Variants in CYP2E1 observed in about 807,000 individuals in gnomAD.
The protein encoded by CYP2E1 is cytochrome P450 2E1.
Under a neutral mutation model 42.9 loss-of-function variants are expected in CYP2E1, and 31 were observed. That is an observed-to-expected ratio of 0.72 (90% CI 0.54 to 0.98). CYP2E1 has a LOEUF of 0.98. Ranked by LOEUF, CYP2E1 falls within the 50% of genes least tolerant of loss-of-function variation. The pLI is 0.00. For missense variants in CYP2E1, 565 were observed against 633.2 expected (o/e 0.89, Z 1.16); for synonymous variants, 244 against 248.9 (o/e 0.98, Z 0.19).
rs1851413819 is a variant in CYP2E1, at chr10:133,537,000, T to C, written c.968-63T>C. ...CGTGATTGAATAGATGGGTGGATGATGGGTGGATGCCCAACTGGCCAGGAA... is the reference window on the plus strand; with the variant it reads ...CGTGATTGAATAGATGGGTGGATGACGGGTGGATGCCCAACTGGCCAGGAA... On this transcript the variant is annotated intron_variant, in intron 6 of 8. Transcript: ENST00000252945. 4 of 1,486,158 alleles carry C rather than the reference T, an allele frequency of 2.7e-6. No individual in the cohort carries two copies. The African/African-American group carries it at 4.1e-5, about 15-fold the overall frequency. 92.1% of individuals were successfully genotyped at this position (1,486,158 alleles called of 1,614,324 possible). A position where few individuals can be genotyped will look rare whatever the true frequency, so the allele number is the denominator to read the frequency against.
intron 2 of CYP2E1, 48 bp downstream of exon 2, chr10:133,528,688 G>A (rs1297979775): frequency 1.9e-6 from 3 of 1,605,086 alleles, no homozygotes; most frequent in East Asian, 4.5e-5. Context: ...AACACGCCCC[G>A]GGACAGTTAC....
intron 6 of CYP2E1, among the ~76,000 whole-genome samples, chr10:133,534,675 G>T (rs2133597890): frequency 6.6e-6 from 1 of 152,314 alleles, no homozygotes; most frequent in East Asian, 1.9e-4. Context: ...TTCACAGCCT[G>T]AGTGGTGTGT....
chr10:133,536,586 G>T (rs1374217560), intron 6 of CYP2E1, among the ~76,000 whole-genome samples: 4 of 70,996 alleles, frequency 5.6e-5, no homozygotes, highest in African/African-American at 1.5e-4. Context: ...GGTGGATGGA[G>T]GGATGGCTGG....
intron 2 of CYP2E1, 41 bp from the exon 3 acceptor site, chr10:133,531,544 T>C: frequency 6.2e-7 from 1 of 1,611,900 alleles, no homozygotes; most frequent in Non-Finnish European, 8.5e-7. Context: ...CTCCCCAAAA[T>C]GGGTATTTAG....
chr10:133,529,619 G>A lies in CYP2E1; in HGVS notation c.337+979G>A, dbSNP rs186898229. ...TTTCTGAACATTGTGAACGTCGAAT[G>A]GGCCAACAAATCTAAAAATTAAATG... is the stretch of plus-strand genomic sequence containing the variant. On this transcript the variant is annotated intron_variant, in intron 2 of 8. Transcript: ENST00000252945. 2.1e-4 allele frequency among the ~76,000 whole-genome samples: 32 copies of A among 152,372 alleles called. 1 individual carries two copies. The highest frequency in any genetic ancestry group is 6.7e-4 in the African/African-American group (28 of 41,582).
chr10:133,538,831 T>C lies in CYP2E1; in HGVS notation c.1349T>C (p.Leu450Ser), dbSNP rs1383662089. ...CTGGCTCGCATGGAGTTGTTTCTTT[T>C]GTTGTGTGCCATTTTGCAGCATTTT... ...EGLARMELFL[L>S]LCAILQHFNL... The change falls in exon 9 of 9, where the codon TTG (leucine) becomes TCG (serine). Residue 450 changes from leucine to serine, a missense_variant. Coordinates refer to ENST00000252945, the MANE Select transcript of CYP2E1 (RefSeq NM_000773.4). 6 of 1,614,130 alleles carry C rather than the reference T, an allele frequency of 3.7e-6. No homozygotes were observed. The highest frequency in any genetic ancestry group is 1.1e-5 in the South Asian group (1 of 91,076).
At chr10:133,531,816 A>C in intron 3 of CYP2E1, 82 bp downstream of exon 3, 1 of 1,404,414 alleles carries the variant, frequency 7.1e-7, no homozygotes, top group Non-Finnish European at 9.6e-7. Context: ...CCTAGACTGC[A>C]TCTGAACCAC....
chr10:133,531,832 C>A, intron 3 of CYP2E1, 98 bp downstream of exon 3: 1 of 1,283,946 alleles, frequency 7.8e-7, no homozygotes, highest in Non-Finnish European at 1.1e-6. Flanking sequence ...ACCACAGGGA[C>A]CTACGGACAA....
intron 5 of CYP2E1, among the ~76,000 whole-genome samples, chr10:133,533,345 A>G (rs1274936057): frequency 6.6e-6 from 1 of 152,210 alleles, no homozygotes; most frequent in Non-Finnish European, 1.5e-5. Context: ...TGGCTCAAGA[A>G]CAAATGTGGA....
chr10:133,530,025 C>T (rs1851318292), intron 2 of CYP2E1, among the ~76,000 whole-genome samples: 1 of 152,098 alleles, frequency 6.6e-6, no homozygotes, highest in Non-Finnish European at 1.5e-5. Flanking sequence ...AAGGCACAGT[C>T]GGAGGCAGCA....
rs184110976 is a variant in CYP2E1 at position 133,529,915 on chromosome 10, G to C, written c.337+1275G>C. Among the ~76,000 whole-genome samples, 347 of 152,300 alleles carry C rather than the reference G, an allele frequency of 2.3e-3. 1 individual carries two copies. The highest frequency in any genetic ancestry group is 0.02 in the Middle Eastern group (6 of 294). On this transcript the variant is annotated intron_variant, in intron 2 of 8. Transcript: ENST00000252945. Reference sequence around the variant, plus strand: ...AAAATTAACCATCTCAGTCCTTGTCGTTAACGCAGGAGAAGCATTACTGGA... The same window carrying C: ...AAAATTAACCATCTCAGTCCTTGTCCTTAACGCAGGAGAAGCATTACTGGA...
intron 2 of CYP2E1, among the ~76,000 whole-genome samples, chr10:133,530,732 AGAGGAAGACG>A (rs1564847709): frequency 6.6e-6 from 1 of 152,314 alleles, no homozygotes; most frequent in East Asian, 1.9e-4. Flanking sequence ...ATGATGGATA[AGAGGAAGACG>A]GAGAGCGAGG....
At chr10:133,530,530 G>C (rs1325910986) in intron 2 of CYP2E1, among the ~76,000 whole-genome samples, 1 of 152,126 alleles carries the variant, frequency 6.6e-6, no homozygotes, top group Admixed American at 6.5e-5. Context: ...GGACAGCCTT[G>C]CTTCTGGAAC....
chr10:133,536,540 G>C (rs748744921), intron 6 of CYP2E1, among the ~76,000 whole-genome samples: 77 of 33,430 alleles, frequency 2.3e-3, no homozygotes, highest in Non-Finnish European at 7.7e-3. Flanking sequence ...TGTATAGATG[G>C]GTGGATGGGT....
intron 2 of CYP2E1, among the ~76,000 whole-genome samples, chr10:133,529,475 C>T (rs763111804): frequency 1.3e-5 from 2 of 152,260 alleles, no homozygotes; most frequent in African/African-American, 4.8e-5. Flanking sequence ...CACATGGAAG[C>T]CTCTACTTCT....
Position 133,527,364 on chromosome 10 carries a change from T to C in CYP2E1, c.-32T>C, listed in dbSNP as rs200292747. ...AACCTTCCGTTTCCACAGGATTGTC[T>C]CCCGGGCTGGCAGCAGGGCCCCAGC... On this transcript the variant is annotated 5_prime_UTR_variant, in exon 1 of 9. Transcript: ENST00000252945. 1.9e-6 allele frequency: 3 copies of C among 1,549,874 alleles called. No individual in the cohort carries two copies. Among genetic ancestry groups the C allele is most frequent in the Non-Finnish European group, 2.6e-6 (3 of 1,143,250 alleles).
chr10:133,539,010 A>G lies in CYP2E1; in HGVS notation c.*46A>G, dbSNP rs2480256. ...ACCCCCCGCTTTCAAACAAGTTTTC[A>G]AATTGTTTGAGGTCAGGATTTCTCA... On this transcript the variant is annotated 3_prime_UTR_variant, in exon 9 of 9. Transcript: ENST00000252945. 1,135,001 of 1,498,996 alleles carry G rather than the reference A, an allele frequency of 0.76. 435,023 individuals are homozygous for G. Among genetic ancestry groups the G allele is most frequent in the Non-Finnish European group, 0.8 (894,220 of 1,114,810 alleles). The allele number at this position is 1,498,996 out of a possible 1,614,324, so 92.9% of individuals were successfully genotyped here. A position where few individuals can be genotyped will look rare whatever the true frequency, so the allele number is the denominator to read the frequency against.
rs565342480 is a variant in CYP2E1 at position 133,529,936 on chromosome 10, C to G, written c.337+1296C>G. Among the ~76,000 whole-genome samples the G allele has an allele frequency of 1.7e-4, 26 of 152,318 alleles. 1 individual carries two copies. In the South Asian group the frequency reaches 5.2e-3, roughly 30 times the overall value. On this transcript the variant is annotated intron_variant, in intron 2 of 8. Transcript: ENST00000252945. Reference sequence around the variant, plus strand: ...TGTCGTTAACGCAGGAGAAGCATTACTGGAGGAGGCTCTGGGGTTCTGTGG... The same window carrying G: ...TGTCGTTAACGCAGGAGAAGCATTAGTGGAGGAGGCTCTGGGGTTCTGTGG...
In CYP2E1 at chr10:133,533,827, G is replaced by C. The variant is rs774878128; in HGVS notation, c.897G>C (p.Ala299=). ...TGACTGTGGCCGACCTGTTCTTTGC[G>C]GGGACAGAGACCACCAGCACAACTC... ...ITVTVADLFF[A]GTETTSTTLR... Residue 299 remains alanine (A), a synonymous_variant, in exon 6 of 9, where the codon GCG becomes GCC. Transcript: ENST00000252945. 25 of 1,614,026 alleles carry C rather than the reference G, an allele frequency of 1.5e-5. No individual in the cohort carries two copies. Among genetic ancestry groups the C allele is most frequent in the Non-Finnish European group, 1.4e-5 (16 of 1,180,006 alleles).
Sources: gnomAD v4.1 joint callset for allele counts (sites outside exome capture counted in the v4.1 genomes callset) on GRCh38, gnomAD v4.1.1 for gene constraint, MANE v1.5 for transcripts, NCBI Gene and HGNC (gene_info 2026-07-23, HGNC 2026-07-21) for gene names.